The following NRG3 variants were observed in gnomAD, a reference collection of about 807,000 sequenced individuals.
The protein encoded by NRG3 is pro-neuregulin-3, membrane-bound isoform.
NRG3 carries 31 observed loss-of-function variants against 66.9 expected under a neutral mutation model. The observed-to-expected ratio is 0.46, with a 90% confidence interval of 0.35 to 0.63. The LOEUF (loss-of-function observed/expected upper bound fraction) is 0.63. NRG3 is among the 20% of genes least tolerant of loss of function. The pLI is 0.00. For missense variants in NRG3, 910 were observed against 878.9 expected, an observed-to-expected ratio of 1.04 and a Z score of -0.45; for synonymous variants, 393 against 359.4, an observed-to-expected ratio of 1.09 and a Z score of -1.06.
At chr10:82,581,356 T>C (rs1241405336) in intron 2 of NRG3, among the ~76,000 whole-genome samples, 1 of 152,080 alleles carries the variant, frequency 6.6e-6, no homozygotes, top group Admixed American at 6.6e-5. Context: ...CAGATACGTG[T>C]TTTGCAAATA....
At chr10:82,905,574 C>T (rs970862882) in intron 4 of NRG3, among the ~76,000 whole-genome samples, 1 of 151,992 alleles carries the variant, frequency 6.6e-6, no homozygotes, top group Non-Finnish European at 1.5e-5. Context: ...TGAAGTTCTT[C>T]GATAGTGCAA....
At chr10:82,489,745 A>G (rs1437059564) in intron 2 of NRG3, among the ~76,000 whole-genome samples, 2 of 152,196 alleles carry the variant, frequency 1.3e-5, no homozygotes, top group African/African-American at 4.8e-5. Context: ...CAGGCAATTC[A>G]TTTGCACAAC....
intron 1 of NRG3, among the ~76,000 whole-genome samples, chr10:81,917,939 C>T (rs888975666): frequency 5.9e-5 from 9 of 151,994 alleles, no homozygotes; most frequent in African/African-American, 1.7e-4. Context: ...ACAAAAGTGG[C>T]GGACTGATGA....
chr10:82,306,342 A>G (rs1212611603), intron 1 of NRG3, among the ~76,000 whole-genome samples: 1 of 152,178 alleles, frequency 6.6e-6, no homozygotes, highest in Non-Finnish European at 1.5e-5. Flanking sequence ...ATATTTTTAA[A>G]CTAATTCAAA....
In NRG3 at chr10:82,132,505, CATATAT is replaced by C. The variant is rs367993461; in HGVS notation, c.824-226229_824-226224del. Among the ~76,000 whole-genome samples the C allele has an allele frequency of 5.0e-5, 3 of 60,334 alleles. 1 individual carries two copies. Among genetic ancestry groups the C allele is most frequent in the African/African-American group, 1.4e-4 (3 of 20,878 alleles). 39.6% of individuals were successfully genotyped at this position (60,334 alleles called of 152,430 possible). Reference sequence around the variant, plus strand: ...ATATATATATATGATATATATATATCATATATATATGATATATATGATATATATATG... The same window carrying C: ...ATATATATATATGATATATATATATCATATGATATATATGATATATATATG... On this transcript the variant is annotated intron_variant, in intron 1 of 8. Coordinates refer to ENST00000372141, the MANE Select transcript of NRG3 (RefSeq NM_001010848.4).
rs761850466 is a variant in NRG3, at chr10:82,959,059, A to G, written c.1268A>G (p.His423Arg). ...MAKSENLVKS[H>R]VQLQNYSKVE... is the part of the protein sequence containing the mutation. Reference sequence around the variant, plus strand: ...AAGTCAGAGAACTTGGTGAAGAGCCATGTCCAGCTGCAAAATGTAAGTGAC... The same window carrying G: ...AAGTCAGAGAACTTGGTGAAGAGCCGTGTCCAGCTGCAAAATGTAAGTGAC... The change falls in exon 6 of 9, where the codon CAT becomes CGT. Residue 423 changes from histidine (H) to arginine (R), a missense_variant. Coordinates refer to ENST00000372141, the MANE Select transcript of NRG3 (RefSeq NM_001010848.4). 152 of 1,602,690 alleles carry G rather than the reference A, an allele frequency of 9.5e-5. No homozygotes were observed. The highest frequency in any genetic ancestry group is 1.3e-4 in the Non-Finnish European group (148 of 1,176,542).
At chr10:82,713,479 A>C (rs2056796935) in intron 2 of NRG3, among the ~76,000 whole-genome samples, 1 of 152,280 alleles carries the variant, frequency 6.6e-6, no homozygotes, top group Non-Finnish European at 1.5e-5. Flanking sequence ...TAAAGAAAGG[A>C]GTCATGGATG....
chr10:82,076,994 C>A (rs900864988), intron 1 of NRG3, among the ~76,000 whole-genome samples: 3 of 152,138 alleles, frequency 2.0e-5, no homozygotes, highest in Non-Finnish European at 4.4e-5. Flanking sequence ...GATAAATCCC[C>A]ATTGTTTTTT....
At chr10:82,682,087 T>A (rs995686185) in intron 2 of NRG3, among the ~76,000 whole-genome samples, 2 of 152,162 alleles carry the variant, frequency 1.3e-5, no homozygotes, top group Non-Finnish European at 2.9e-5. Context: ...AGCCATAGAA[T>A]CAGAAGAAAA....
At chr10:82,299,063 C>T (rs1025708168) in intron 1 of NRG3, among the ~76,000 whole-genome samples, 2 of 152,024 alleles carry the variant, frequency 1.3e-5, no homozygotes, top group African/African-American at 4.8e-5. Context: ...AGTGACATGC[C>T]GTGGGCCCAA....
intron 1 of NRG3, among the ~76,000 whole-genome samples, chr10:81,901,784 A>T (rs1196679204): frequency 1.3e-5 from 2 of 152,240 alleles, no homozygotes; most frequent in African/African-American, 4.8e-5. Context: ...AAACTTAAAT[A>T]TAGTTAACTC....
intron 2 of NRG3, among the ~76,000 whole-genome samples, chr10:82,728,343 C>T (rs139060982): frequency 6.6e-6 from 1 of 152,070 alleles, no homozygotes; most frequent in Non-Finnish European, 1.5e-5. Flanking sequence ...TGGGAGGGAG[C>T]CAATGGGAGG....
At chr10:82,098,335 C>T (rs1027101263) in intron 1 of NRG3, among the ~76,000 whole-genome samples, 2 of 150,818 alleles carry the variant, frequency 1.3e-5, no homozygotes, top group African/African-American at 4.9e-5. Context: ...ATATATATGA[C>T]ATATATATAG....
At chr10:82,414,215 C>G (rs970317277) in intron 2 of NRG3, among the ~76,000 whole-genome samples, 1 of 152,032 alleles carries the variant, frequency 6.6e-6, no homozygotes, top group Non-Finnish European at 1.5e-5. Flanking sequence ...CTTGCTCACA[C>G]AGAGGCGGTT....
intron 4 of NRG3, among the ~76,000 whole-genome samples, chr10:82,923,165 G>A (rs1475688482): frequency 2.0e-5 from 3 of 152,162 alleles, no homozygotes; most frequent in East Asian, 1.9e-4. Flanking sequence ...CCCATTGTAT[G>A]ACTCCTATGC....
At chr10:82,795,927 C>T (rs2060782456) in intron 3 of NRG3, among the ~76,000 whole-genome samples, 1 of 151,934 alleles carries the variant, frequency 6.6e-6, no homozygotes, top group Non-Finnish European at 1.5e-5. Context: ...CAATGGCCTC[C>T]CATAATCTTG....
At chr10:82,616,897 G>C (rs2048689003) in intron 2 of NRG3, among the ~76,000 whole-genome samples, 1 of 152,118 alleles carries the variant, frequency 6.6e-6, no homozygotes, top group South Asian at 2.1e-4. Context: ...CTCAACCTAT[G>C]TCAGTGTTTC....
chr10:81,877,783 T>C, intron 1 of NRG3: 1 of 1,371,354 alleles, frequency 7.3e-7, no homozygotes, highest in Non-Finnish European at 9.4e-7. Flanking sequence ...CAGTCATTTT[T>C]GAGAGCACAT....
chr10:82,843,118 G>A (rs934729268), intron 3 of NRG3: 7 of 332,942 alleles, frequency 2.1e-5, no homozygotes, highest in African/African-American at 1.5e-4. Flanking sequence ...GAGAAGATGG[G>A]GGACTACTGT....
Sources: allele counts gnomAD v4.1 joint callset (sites outside exome capture counted in the v4.1 genomes callset), GRCh38; gene constraint gnomAD v4.1.1; transcripts MANE v1.5; gene names NCBI Gene and HGNC (gene_info 2026-07-23, HGNC 2026-07-21).